BRF1: variants seen among roughly 807,000 people sequenced by gnomAD.
BRF1 encodes the protein BRF1 general transcription factor IIIB subunit.
Under a neutral mutation model 81.7 loss-of-function variants are expected in BRF1, and 59 were observed. That is an observed-to-expected ratio of 0.72 (90% CI 0.59 to 0.90). The LOEUF is 0.90. Ranked by LOEUF, BRF1 falls within the 40% of genes least tolerant of loss-of-function variation. BRF1 has a pLI of 0.00. For synonymous variants in BRF1, 491 were observed against 395.6 expected (o/e 1.24, Z -2.86); for missense variants, 1,050 against 936.3 (o/e 1.12, Z -1.58).
rs368792547 is a variant in BRF1 at position 105,221,785 on chromosome 14, G to A, written c.1178C>T (p.Ser393Leu). 23 of 1,611,690 alleles carry A rather than the reference G, an allele frequency of 1.4e-5. No individual in the cohort carries two copies. The Admixed American group carries it at 1.8e-4, about 13-fold the overall frequency. Residue 393 changes from serine to leucine, a missense_variant, in exon 11 of 18, where the codon TCG becomes TTG. Physicochemically the swap from Ser to Leu is moderately radical, Grantham distance 145 (BLOSUM62 -2). Coordinates refer to ENST00000547530, the MANE Select transcript of BRF1 (RefSeq NM_001519.4). ...RELLGGAPGS[S>L]EAAGSPEWGG... ...CCACTCGGGGCTTCCTGCTGCTTCCGAGCTGCCGGGGGCACCACCAAGGAG... is the reference window on the plus strand; with the variant it reads ...CCACTCGGGGCTTCCTGCTGCTTCCAAGCTGCCGGGGGCACCACCAAGGAG...
Position 105,309,983 on chromosome 14 carries a change from A to C in BRF1, c.-162+5339T>G, listed in dbSNP as rs1335924784. Among the ~76,000 whole-genome samples, 3 of 151,322 alleles carry C rather than the reference A, an allele frequency of 2.0e-5. No individual in the cohort carries two copies. Among genetic ancestry groups the C allele is most frequent in the Non-Finnish European group, 4.4e-5 (3 of 67,866 alleles). ...GTATTTTTAGTAGAGACGGGGTTTC[A>C]GTGTATTGGTCAGGCTAGTTTTGAA... is the stretch of plus-strand genomic sequence containing the variant. On this transcript the variant is annotated intron_variant, in intron 1 of 17. Transcript: ENST00000327359. The surrounding 1 kb of genome is among the most constrained non-coding windows in gnomAD (Gnocchi z 4.0).
At chr14:105,291,235 G>A (rs900381781) in intron 1 of BRF1, among the ~76,000 whole-genome samples, 4 of 152,178 alleles carry the variant, frequency 2.6e-5, no homozygotes, top group African/African-American at 9.7e-5. Flanking sequence ...CTCCGACAAA[G>A]CCAGCAACAC....
chr14:105,249,492 ACT>A, intron 5 of BRF1: 1 of 1,579,454 alleles, frequency 6.3e-7, no homozygotes, highest in Non-Finnish European at 8.7e-7. Flanking sequence ...AGTCCACTCT[ACT>A]GGGGAGGGAC....
intron 3 of BRF1, among the ~76,000 whole-genome samples, chr14:105,270,581 GAGTTTGAGACC>G (rs2056614070): frequency 6.6e-6 from 1 of 152,116 alleles, no homozygotes; most frequent in East Asian, 2.0e-4. Flanking sequence ...TTGAGGCCAG[GAGTTTGAGACC>G]AGCCTGGCCA....
chr14:105,210,513 GC>G lies in BRF1; in HGVS notation c.*37del. On this transcript the variant is annotated 3_prime_UTR_variant, in exon 18 of 18. Transcript: ENST00000547530. The surrounding 1 kb of genome is among the most constrained non-coding windows in gnomAD (Gnocchi z 4.7). The stretch of plus-strand genomic sequence containing the variant: ...GTCTGATGCTGAGGAGACCCGCGAG[GC>G]CCCCTGCCAGGACATCACCTGCCTG... The G allele has an allele frequency of 1.2e-6, 2 of 1,607,066 alleles. No homozygotes were observed. Among genetic ancestry groups the G allele is most frequent in the Non-Finnish European group, 1.7e-6 (2 of 1,179,210 alleles).
chr14:105,304,293 C>T (rs1463133251), upstream of BRF1, among the ~76,000 whole-genome samples: 4 of 152,072 alleles, frequency 2.6e-5, no homozygotes, highest in South Asian at 2.1e-4. Flanking sequence ...AGATCAAGAC[C>T]GTCCTGGCCA....
chr14:105,284,234 C>T lies in BRF1; in HGVS notation c.265+2062G>A, dbSNP rs2057230141. 6.6e-6 allele frequency among the ~76,000 whole-genome samples: 1 copy of T among 152,152 alleles called. No individual in the cohort carries two copies. Reference sequence around the variant, plus strand: ...GAAGACTGAAATCACACAGAGGGTGCTCTCTACTGCAGAAGAATCACACCG... The same window carrying T: ...GAAGACTGAAATCACACAGAGGGTGTTCTCTACTGCAGAAGAATCACACCG... On this transcript the variant is annotated intron_variant, in intron 2 of 17. Coordinates refer to ENST00000547530, the MANE Select transcript of BRF1 (RefSeq NM_001519.4). The surrounding 1 kb of genome is among the most constrained non-coding windows in gnomAD (Gnocchi z 4.0).
chr14:105,216,359 G>A (rs1230971208), intron 15 of BRF1, among the ~76,000 whole-genome samples: 1 of 152,164 alleles, frequency 6.6e-6, no homozygotes. Flanking sequence ...ACCTGGGAGT[G>A]CTCAGGCACA....
chr14:105,214,101 C>T (rs1048411329), intron 15 of BRF1, among the ~76,000 whole-genome samples: 7 of 152,200 alleles, frequency 4.6e-5, no homozygotes, highest in Non-Finnish European at 7.4e-5. Context: ...CTCTCGCAGC[C>T]GCGCCAGCAC....
intron 5 of BRF1, chr14:105,249,756 C>G (rs2140290547): frequency 1.4e-5 from 22 of 1,613,878 alleles, no homozygotes; most frequent in Non-Finnish European, 1.9e-5. Flanking sequence ...TTTCTGGAGA[C>G]AAGTTTGGAA....
chr14:105,228,981 G>C (rs751440318), intron 6 of BRF1, 68 bp from the exon 7 acceptor site: 1 of 1,408,906 alleles, frequency 7.1e-7, no homozygotes, highest in Admixed American at 1.7e-5. Flanking sequence ...TGGCGGCCCA[G>C]GACAACACTG....
chr14:105,229,282 G>GA, intron 6 of BRF1, among the ~76,000 whole-genome samples: 1 of 152,356 alleles, frequency 6.6e-6, no homozygotes, highest in East Asian at 1.9e-4. Context: ...CAGGAAAGGG[G>GA]CGAGGCCACA....
At chr14:105,311,481 C>T (rs1250460035) in intron 1 of BRF1, among the ~76,000 whole-genome samples, 1 of 152,140 alleles carries the variant, frequency 6.6e-6, no homozygotes, top group Non-Finnish European at 1.5e-5. Flanking sequence ...TCTTGAACTC[C>T]TGAGGTCACG....
At chr14:105,222,863 T>C (rs587676586) in intron 10 of BRF1, among the ~76,000 whole-genome samples, 117 of 152,186 alleles carry the variant, frequency 7.7e-4, no homozygotes, top group Middle Eastern at 3.4e-3. Context: ...CTCCTGACCT[T>C]GTGATCTGCC....
chr14:105,304,734 T>C (rs984725497), upstream of BRF1, among the ~76,000 whole-genome samples: 7 of 152,202 alleles, frequency 4.6e-5, no homozygotes, highest in Non-Finnish European at 7.3e-5. Flanking sequence ...TGCAGAGGCC[T>C]CACAATCATG....
At chr14:105,283,537 ACACT>A (rs2057197083) in intron 2 of BRF1, among the ~76,000 whole-genome samples, 2 of 152,144 alleles carry the variant, frequency 1.3e-5, no homozygotes, top group Admixed American at 6.5e-5. Context: ...ACCTTCACTG[ACACT>A]CACCCCTAAT....
chr14:105,285,962 T>C (rs1177898935), intron 2 of BRF1, among the ~76,000 whole-genome samples: 2 of 152,242 alleles, frequency 1.3e-5, no homozygotes. Context: ...GAACTGGCAC[T>C]TTGACAAAAC....
chr14:105,256,282 G>A (rs1595401514), intron 4 of BRF1: 1 of 1,546,172 alleles, frequency 6.5e-7, no homozygotes, highest in East Asian at 2.4e-5. Flanking sequence ...ACCGTGCCCA[G>A]CATTGGCAGG....
At chr14:105,305,790 G>A (rs891643186), upstream of BRF1, among the ~76,000 whole-genome samples, 22 of 152,226 alleles carry the variant, frequency 1.4e-4, no homozygotes, top group Non-Finnish European at 2.2e-4. Context: ...AAGCAAGGGC[G>A]GCCAAGGGGC....
Sources: gnomAD v4.1 joint callset for allele counts (sites outside exome capture counted in the v4.1 genomes callset) on GRCh38, gnomAD v4.1.1 for gene constraint, Gnocchi (gnomAD v3.1) non-coding constraint, MANE v1.5 for transcripts, NCBI Gene and HGNC (gene_info 2026-07-23, HGNC 2026-07-21) for gene names.